The following MMP11 variants were observed in gnomAD, a reference collection of about 807,000 sequenced individuals.
The protein encoded by MMP11 is stromelysin-3.
In MMP11, 26 loss-of-function variants were observed where a neutral mutation model predicts 49.5. That is an observed-to-expected ratio of 0.52 (90% CI 0.38 to 0.73). The LOEUF (loss-of-function observed/expected upper bound fraction) is 0.73. Ranked by LOEUF, MMP11 falls within the 30% of genes least tolerant of loss-of-function variation. The pLI is 0.00. For synonymous variants in MMP11, 265 were observed against 282.3 expected, an observed-to-expected ratio of 0.94 and a Z score of 0.62; for missense variants, 624 against 671.2, an observed-to-expected ratio of 0.93 and a Z score of 0.78.
At position 23,782,460 on chromosome 22, in the gene MMP11, A is replaced by G. The variant is rs964463028; in HGVS notation, c.1310A>G (p.Asp437Gly). The G allele has an allele frequency of 6.2e-7, 1 of 1,611,932 alleles. No individual in the cohort carries two copies. The highest frequency in any genetic ancestry group is 1.7e-5 in the Admixed American group (1 of 59,930). ...TDWRGVPSEI[D>G]AAFQDADGYA... ...TGGAGAGGGGTGCCCTCTGAGATCG[A>G]CGCTGCCTTCCAGGATGCTGATGGT... The change falls in exon 7 of 8, where the codon GAC becomes GGC. Residue 437 changes from aspartate to glycine, a missense_variant. Physicochemically the swap from Asp to Gly is moderately conservative, Grantham distance 94. Coordinates refer to ENST00000215743, the MANE Select transcript of MMP11 (RefSeq NM_005940.5).
At chr22:23,774,694 C>T (rs1188600015) in intron 1 of MMP11, among the ~76,000 whole-genome samples, 1 of 152,168 alleles carries the variant, frequency 6.6e-6, no homozygotes, top group Admixed American at 6.5e-5. Context: ...TCCTCCATAG[C>T]CTAACAAGTG....
At chr22:23,781,450 G>A (rs1206578058) in intron 6 of MMP11, 41 bp downstream of exon 6, 6 of 1,530,976 alleles carry the variant, frequency 3.9e-6, no homozygotes, top group South Asian at 1.2e-5. Context: ...ACTTCCCAGA[G>A]CCAGGAATGT....
At position 23,780,359 on chromosome 22, in the gene MMP11, G is replaced by A. The variant is rs1465695383; in HGVS notation, c.339G>A (p.Arg113=). Residue 113 remains arginine (R), a splice_region_variant and synonymous_variant, in exon 3 of 8, where the codon AGG becomes AGA. Coordinates refer to ENST00000215743, the MANE Select transcript of MMP11 (RefSeq NM_005940.5). The surrounding 1 kb of genome is among the most constrained non-coding windows in gnomAD (Gnocchi z 4.6). Reference sequence around the variant, plus strand: ...CCCAGGCCCCTCCATCTCCCTCCAGGATCCTTCGGTTCCCATGGCAGTTGG... The same window carrying A: ...CCCAGGCCCCTCCATCTCCCTCCAGAATCCTTCGGTTCCCATGGCAGTTGG... ...GRWEKTDLTY[R]ILRFPWQLVQ... The A allele has an allele frequency of 6.2e-7, 1 of 1,612,562 alleles. No individual in the cohort carries two copies. The highest frequency in any genetic ancestry group is 8.5e-7 in the Non-Finnish European group (1 of 1,180,028).
intron 6 of MMP11, 27 bp from the exon 7 acceptor site, chr22:23,782,199 G>A (rs1386929288): frequency 1.3e-6 from 2 of 1,596,920 alleles, no homozygotes; most frequent in Non-Finnish European, 1.7e-6. Flanking sequence ...GGCTGGGCAG[G>A]TCCTTGCAGC....
rs1276988391 is a variant in MMP11 at position 23,782,331 on chromosome 22, G to T, written c.1181G>T (p.Gly394Val). The T allele has an allele frequency of 6.2e-7, 1 of 1,613,912 alleles. No homozygotes were observed. The highest frequency in any genetic ancestry group is 8.5e-7 in the Non-Finnish European group (1 of 1,180,030). ...RFPVHAALVW[G>V]PEKNKIYFFR... Reference sequence around the variant, plus strand: ...CCGGTCCATGCTGCCTTGGTCTGGGGTCCCGAGAAGAACAAGATCTACTTC... The same window carrying T: ...CCGGTCCATGCTGCCTTGGTCTGGGTTCCCGAGAAGAACAAGATCTACTTC... The change falls in exon 7 of 8, where the codon GGT (glycine) becomes GTT (valine). Residue 394 changes from glycine (G) to valine (V), a missense_variant. Coordinates refer to ENST00000215743, the MANE Select transcript of MMP11 (RefSeq NM_005940.5).
chr22:23,779,910 C>A lies in MMP11; in HGVS notation c.339-449C>A, dbSNP rs1400369574. ...TCTCACTGGGTGACCTGGGAGGACC[C>A]TGGGCAGGTGATGGGGAAGCTGAGG... On this transcript the variant is annotated intron_variant, in intron 2 of 7. Transcript: ENST00000215743. The A allele has an allele frequency of 2.7e-5, 7 of 256,064 alleles. No individual in the cohort carries two copies. The Admixed American group carries it at 2.9e-4, about 11-fold the overall frequency. The allele number at this position is 256,064 out of a possible 1,614,324, so 15.9% of individuals were successfully genotyped here. A position where few individuals can be genotyped will look rare whatever the true frequency, so the allele number is the denominator to read the frequency against.
At chr22:23,775,668 T>C (rs1278138351) in intron 1 of MMP11, among the ~76,000 whole-genome samples, 1 of 152,234 alleles carries the variant, frequency 6.6e-6, no homozygotes, top group Non-Finnish European at 1.5e-5. Flanking sequence ...GACCTTGATA[T>C]GTGGGAGACC....
In MMP11 at chr22:23,772,857, C is replaced by T; in HGVS notation, c.-14C>T. ...GCCCGGAGCGGCCCAGCAAGCCCAG[C>T]AGCCCCGGGGCGGATGGCTCCGGCC... On this transcript the variant is annotated 5_prime_UTR_variant, in exon 1 of 8. Coordinates refer to ENST00000215743, the MANE Select transcript of MMP11 (RefSeq NM_005940.5). 1 of 1,150,502 alleles carries T rather than the reference C, an allele frequency of 8.7e-7. No individual in the cohort carries two copies. The highest frequency in any genetic ancestry group is 4.2e-5 in the East Asian group (1 of 23,722). The allele number at this position is 1,150,502 out of a possible 1,614,324, so 71.3% of individuals were successfully genotyped here.
Position 23,781,382 on chromosome 22 carries a change from G to T in MMP11, c.1048G>T (p.Ala350Ser), listed in dbSNP as rs763828823. 3 of 1,609,892 alleles carry T rather than the reference G, an allele frequency of 1.9e-6. No individual in the cohort carries two copies. Among genetic ancestry groups the T allele is most frequent in the South Asian group, 2.2e-5 (2 of 90,642 alleles). The change falls in exon 6 of 8, where the codon GCC (alanine) becomes TCC (serine). Residue 350 changes from alanine (A) to serine (S), a missense_variant. Physicochemically the swap from Ala to Ser is moderately conservative, Grantham distance 99 (BLOSUM62 1). Coordinates refer to ENST00000215743, the MANE Select transcript of MMP11 (RefSeq NM_005940.5). ...CCCTGTGGACGCTGCCTTCGAGGAT[G>T]CCCAGGGCCACATTTGGTTCTTCCA... ...PSPVDAAFED[A>S]QGHIWFFQGA...
At chr22:23,773,713 G>T (rs1927315365) in intron 1 of MMP11, among the ~76,000 whole-genome samples, 1 of 152,206 alleles carries the variant, frequency 6.6e-6, no homozygotes. Context: ...GTGACAGCTT[G>T]CATGTGTCCC....
At chr22:23,778,739 G>C (rs1415459423) in intron 1 of MMP11, among the ~76,000 whole-genome samples, 1 of 152,244 alleles carries the variant, frequency 6.6e-6, no homozygotes, top group Non-Finnish European at 1.5e-5. Flanking sequence ...AGGGACAGGA[G>C]CATGACCCAG....
chr22:23,775,863 GGGCCA>G (rs1927393849), intron 1 of MMP11, among the ~76,000 whole-genome samples: 1 of 152,262 alleles, frequency 6.6e-6, no homozygotes, highest in African/African-American at 2.4e-5. Context: ...ACAAGGAACA[GGGCCA>G]GGTAAGAGGT....
Position 23,783,718 on chromosome 22 carries a change from G to A in MMP11, c.*174G>A, listed in dbSNP as rs750502298. Reference sequence around the variant, plus strand: ...TGACAACTGCCGGGAGGGCCACGCAGGTCGTGGTCACCTGCCAGCGACTGT... The same window carrying A: ...TGACAACTGCCGGGAGGGCCACGCAAGTCGTGGTCACCTGCCAGCGACTGT... On this transcript the variant is annotated 3_prime_UTR_variant, in exon 8 of 8. Transcript: ENST00000215743. The A allele has an allele frequency of 1.6e-5, 13 of 832,888 alleles. No individual in the cohort carries two copies. In the South Asian group the frequency reaches 1.8e-4, roughly 12 times the overall value. 51.6% of individuals were successfully genotyped at this position (832,888 alleles called of 1,614,324 possible). A position where few individuals can be genotyped will look rare whatever the true frequency, so the allele number is the denominator to read the frequency against.
chr22:23,778,920 C>T (rs1423440513), intron 1 of MMP11, among the ~76,000 whole-genome samples: 2 of 152,222 alleles, frequency 1.3e-5, no homozygotes, highest in East Asian at 1.9e-4. Flanking sequence ...ACCTCATTGG[C>T]CTAAGTAGCT....
At position 23,781,183 on chromosome 22, in the gene MMP11, C is replaced by T. The variant is rs200269522; in HGVS notation, c.859-10C>T. The T allele has an allele frequency of 7.4e-6, 12 of 1,610,860 alleles. No homozygotes were observed. Among genetic ancestry groups the T allele is most frequent in the Admixed American group, 1.7e-5 (1 of 60,000 alleles). Reference sequence around the variant, plus strand: ...ATGCCCTCAGCATGTGTCCCTCTCTCCCACCCCAGCCAGACGCCCCGCCAG... The same window carrying T: ...ATGCCCTCAGCATGTGTCCCTCTCTTCCACCCCAGCCAGACGCCCCGCCAG... On this transcript the variant is annotated splice_polypyrimidine_tract_variant and intron_variant, in intron 5 of 7. Coordinates refer to ENST00000215743, the MANE Select transcript of MMP11 (RefSeq NM_005940.5).
At chr22:23,774,700 A>G (rs1045375496) in intron 1 of MMP11, among the ~76,000 whole-genome samples, 1 of 152,068 alleles carries the variant, frequency 6.6e-6, no homozygotes, top group African/African-American at 2.4e-5. Context: ...ATAGCCTAAC[A>G]AGTGCCCTCC....
chr22:23,780,519 G>A lies in MMP11; in HGVS notation c.482+17G>A. The stretch of plus-strand genomic sequence containing the variant: ...CTTCGCCAGGTGAATGGGCGGCCTG[G>A]GACCCCTCCGGGAACAGCCTCGCCT... On this transcript the variant is annotated intron_variant, in intron 3 of 7. Transcript: ENST00000215743. The surrounding 1 kb of genome is among the most constrained non-coding windows in gnomAD (Gnocchi z 4.6). The A allele has an allele frequency of 1.2e-6, 2 of 1,613,488 alleles. No homozygotes were observed. Among genetic ancestry groups the A allele is most frequent in the South Asian group, 1.1e-5 (1 of 91,088 alleles).
Position 23,780,932 on chromosome 22 carries a change from G to A in MMP11, c.690G>A (p.Lys230=), listed in dbSNP as rs768652650. ...VLGLQHTTAA[K]ALMSAFYTFR... ...GGCTGCAGCACACAACAGCAGCCAA[G>A]GCCCTGATGTCCGCCTTCTACACCT... Residue 230 remains lysine, a synonymous_variant, in exon 5 of 8, where the codon AAG becomes AAA. Transcript: ENST00000215743. The surrounding 1 kb of genome is among the most constrained non-coding windows in gnomAD (Gnocchi z 4.6). The A allele has an allele frequency of 1.9e-6, 3 of 1,613,818 alleles. No homozygotes were observed. Among genetic ancestry groups the A allele is most frequent in the Admixed American group, 1.7e-5 (1 of 59,998 alleles).
chr22:23,773,594 A>C (rs548703839), intron 1 of MMP11, among the ~76,000 whole-genome samples: 1 of 152,306 alleles, frequency 6.6e-6, no homozygotes, highest in African/African-American at 2.4e-5. Flanking sequence ...GTCAGAAAGA[A>C]GCGGGGAGAG....
Sources: allele counts gnomAD v4.1 joint callset (sites outside exome capture counted in the v4.1 genomes callset), GRCh38; gene constraint gnomAD v4.1.1; non-coding constraint Gnocchi (gnomAD v3.1); transcripts MANE v1.5; gene names NCBI Gene and HGNC (gene_info 2026-07-23, HGNC 2026-07-21).